ABCC5: variants seen among roughly 807,000 people sequenced by gnomAD.
ABCC5 encodes the protein ATP-binding cassette sub-family C member 5.
A neutral mutation model predicts 160.9 loss-of-function variants in ABCC5; 61 were observed. The observed-to-expected ratio is 0.38, with a 90% CI of 0.31 to 0.47. The LOEUF (loss-of-function observed/expected upper bound fraction) is 0.47. Ranked by LOEUF, ABCC5 falls within the 20% of genes least tolerant of loss-of-function variation. The pLI is 0.99. For synonymous variants in ABCC5, 666 were observed against 700.6 expected (o/e 0.95, Z 0.78); for missense variants, 1,308 against 1,813.3 (o/e 0.72, Z 5.06).
In ABCC5 at chr3:183,952,909, C is replaced by T. The variant is rs138879369; in HGVS notation, c.2667+177G>A. On this transcript the variant is annotated intron_variant, in intron 18 of 29. Coordinates refer to ENST00000334444, the MANE Select transcript of ABCC5 (RefSeq NM_005688.4). ...CCCTACTGCCCTGTGGGTTGGTCAGCGTTTTTTTCCTTCTGGTGAGGCTAC... is the reference window on the plus strand; with the variant it reads ...CCCTACTGCCCTGTGGGTTGGTCAGTGTTTTTTTCCTTCTGGTGAGGCTAC... 2.8e-3 allele frequency among the ~76,000 whole-genome samples: 423 copies of T among 152,276 alleles called. 2 individuals carry two copies. The highest frequency in any genetic ancestry group is 9.4e-3 in the African/African-American group (392 of 41,558).
chr3:183,993,896 CTAG>C (rs796327033), intron 2 of ABCC5, among the ~76,000 whole-genome samples: 6 of 151,766 alleles, frequency 4.0e-5, no homozygotes, highest in African/African-American at 1.5e-4. Context: ...AAAATCACTA[CTAG>C]AACTGTAATT....
rs1718877756 is a variant in ABCC5, at chr3:183,982,955, A to C, written c.644T>G (p.Leu215Arg). The C allele has an allele frequency of 6.2e-7, 1 of 1,614,128 alleles. No individual in the cohort carries two copies. The highest frequency in any genetic ancestry group is 1.3e-5 in the African/African-American group (1 of 74,940). ...LEYTQATESNLQYSLLLVLGL... is the reference protein window; with the variant it reads ...LEYTQATESNRQYSLLLVLGL... ...CAGCACTAACAACAAGCTGTACTGC[A>C]GGTTAGACTCTGTTGCCTGGGTATA... Residue 215 changes from leucine to arginine, a missense_variant, in exon 6 of 30, where the codon CTG (leucine) becomes CGG (arginine). By Grantham distance (102) the Leu-to-Arg change is moderately radical. Around this residue, in one of 3 missense-constraint regions of ABCC5, gnomAD observed 1,142 missense variants for 1,527.1 expected, o/e 0.75. Transcript: ENST00000334444. The surrounding 1 kb of genome is among the most constrained non-coding windows in gnomAD (Gnocchi z 5.2).
At chr3:184,006,039 T>TG (rs1467874772) in intron 2 of ABCC5, among the ~76,000 whole-genome samples, 1 of 152,072 alleles carries the variant, frequency 6.6e-6, no homozygotes, top group Non-Finnish European at 1.5e-5. Context: ...GCGGCAGTCT[T>TG]GCAGCAAACG....
intron 1 of ABCC5, among the ~76,000 whole-genome samples, chr3:184,016,227 T>TAG (rs1278923622): frequency 1.3e-5 from 2 of 152,188 alleles, no homozygotes; most frequent in Non-Finnish European, 2.9e-5. Context: ...ACTGCTGTGG[T>TAG]AGACACTGCT....
rs1362195579 is a variant in ABCC5, at chr3:183,949,096, T to C, written c.3227+657A>G. Among the ~76,000 whole-genome samples the C allele has an allele frequency of 1.3e-5, 2 of 152,232 alleles. No homozygotes were observed. Among genetic ancestry groups the C allele is most frequent in the African/African-American group, 2.4e-5 (1 of 41,464 alleles). On this transcript the variant is annotated intron_variant, in intron 22 of 29. Transcript: ENST00000334444. This position sits in a 1 kb window ranked among gnomAD's most constrained non-coding sequence, Gnocchi z 4.2. ...TCTGTACTCTGCTGTTTCACTAATA[T>C]ATGCTGGAGATCATTCCCTATCAGT...
intron 2 of ABCC5, among the ~76,000 whole-genome samples, chr3:184,014,061 C>T (rs1195306493): frequency 6.6e-6 from 1 of 152,074 alleles, no homozygotes; most frequent in African/African-American, 2.4e-5. Flanking sequence ...TTAGTAGAGA[C>T]AGGTTTTCAC....
Position 183,965,403 on chromosome 3 carries a change from C to CAACTCTG in ABCC5, c.1931_1932insCAGAGTT (p.Phe645ArgfsTer8). The CAACTCTG allele has an allele frequency of 6.2e-7, 1 of 1,614,058 alleles. No individual in the cohort carries two copies. The highest frequency in any genetic ancestry group is 8.5e-7 in the Non-Finnish European group (1 of 1,180,024). On this transcript the variant is annotated frameshift_variant, in exon 13 of 30. Coordinates refer to ENST00000334444, the MANE Select transcript of ABCC5 (RefSeq NM_005688.4). LOFTEE classifies it high-confidence loss of function. ...TTTCTTCATCATATTCCTTCCCAAA[C>CAACTCTG]AGGATGTTGTCTCTCAGAGTAGCAT... is the stretch of plus-strand genomic sequence containing the variant.
Position 183,966,885 on chromosome 3 carries a change from T to A in ABCC5, c.1833+810A>T, listed in dbSNP as rs1045067070. Among the ~76,000 whole-genome samples, 11 of 152,306 alleles carry A rather than the reference T, an allele frequency of 7.2e-5. No homozygotes were observed. The South Asian group carries it at 1.7e-3, about 23-fold the overall frequency. ...GCTACAAAAGCACCCCTGCTCCCCC[T>A]CTGTTTCATTTCAATTCAGTGGACC... On this transcript the variant is annotated intron_variant, in intron 12 of 29. Transcript: ENST00000334444.
chr3:184,008,109 T>C (rs926705671), intron 2 of ABCC5, among the ~76,000 whole-genome samples: 1 of 104,914 alleles, frequency 9.5e-6, no homozygotes, highest in African/African-American at 4.7e-5. Context: ...CAGTCATCTA[T>C]GTAGAGTACG....
chr3:183,944,918 G>A (rs978461133), intron 24 of ABCC5, among the ~76,000 whole-genome samples: 2 of 152,174 alleles, frequency 1.3e-5, no homozygotes, highest in Admixed American at 6.5e-5. Context: ...TGAGGGGAGA[G>A]GCCTGGTGGC....
At chr3:183,924,799 A>G (rs1041226989) in intron 29 of ABCC5, among the ~76,000 whole-genome samples, 3 of 152,206 alleles carry the variant, frequency 2.0e-5, no homozygotes, top group Middle Eastern at 3.2e-3. Context: ...AGGTACAGAT[A>G]CAGTCTAGGG....
Position 183,948,924 on chromosome 3 carries a change from G to C in ABCC5, c.3227+829C>G, listed in dbSNP as rs59182505. On this transcript the variant is annotated intron_variant, in intron 22 of 29. Coordinates refer to ENST00000334444, the MANE Select transcript of ABCC5 (RefSeq NM_005688.4). ...CCACCATGTTGGCCAGGCTGGTCTCGAACTCCTGACCTCAGGCGATCCGCC... is the reference window on the plus strand; with the variant it reads ...CCACCATGTTGGCCAGGCTGGTCTCCAACTCCTGACCTCAGGCGATCCGCC... Among the ~76,000 whole-genome samples the C allele has an allele frequency of 1.9e-3, 282 of 152,204 alleles. 5 individuals carry two copies. The East Asian group carries it at 0.042, about 23-fold the overall frequency.
At chr3:183,995,464 T>C (rs998039558) in intron 2 of ABCC5, among the ~76,000 whole-genome samples, 1 of 152,224 alleles carries the variant, frequency 6.6e-6, no homozygotes, top group Non-Finnish European at 1.5e-5. Flanking sequence ...AATTTTTGTA[T>C]AAAGTGTAAG....
At chr3:183,960,656 T>C (rs1716633232) in intron 16 of ABCC5, among the ~76,000 whole-genome samples, 1 of 152,190 alleles carries the variant, frequency 6.6e-6, no homozygotes, top group African/African-American at 2.4e-5. Context: ...TCTCACATGG[T>C]TACAACCTGC....
intron 2 of ABCC5, among the ~76,000 whole-genome samples, chr3:183,999,810 C>T (rs906147029): frequency 6.6e-6 from 1 of 151,700 alleles, no homozygotes; most frequent in African/African-American, 2.4e-5. Flanking sequence ...TACCAACTAA[C>T]CAGATTGGAG....
intron 25 of ABCC5, among the ~76,000 whole-genome samples, chr3:183,941,520 GTT>G (rs978651638): frequency 2.1e-5 from 3 of 143,518 alleles, no homozygotes; most frequent in Non-Finnish European, 1.5e-5. Flanking sequence ...AAGACAAAAG[GTT>G]TTTTTTTTTT....
Position 183,921,343 on chromosome 3 carries a change from G to A in ABCC5, c.4271C>T (p.Ala1424Val). The change falls in exon 30 of 30, where the codon GCC becomes GTC. Residue 1424 changes from alanine to valine, a missense_variant. Physicochemically the swap from Ala to Val is moderately conservative, Grantham distance 64. Transcript: ENST00000334444. The surrounding 1 kb of genome is among the most constrained non-coding windows in gnomAD (Gnocchi z 4.1). ...LLSNDSSRFY[A>V]MFAAAENKVA... ...CTTGTTCTCTGCAGCAGCAAACATGGCATAGAATCGGGAACTGTCGTTGGA... is the reference window on the plus strand; with the variant it reads ...CTTGTTCTCTGCAGCAGCAAACATGACATAGAATCGGGAACTGTCGTTGGA... 1 of 1,611,762 alleles carries A rather than the reference G, an allele frequency of 6.2e-7. No individual in the cohort carries two copies. Among genetic ancestry groups the A allele is most frequent in the Non-Finnish European group, 8.5e-7 (1 of 1,178,190 alleles).
intron 29 of ABCC5, among the ~76,000 whole-genome samples, chr3:183,923,102 T>A (rs1328689441): frequency 6.6e-6 from 1 of 152,038 alleles, no homozygotes; most frequent in Non-Finnish European, 1.5e-5. Flanking sequence ...ACAATGCTCG[T>A]CTCTGGGGGT....
chr3:183,951,450 T>G lies in ABCC5; in HGVS notation c.2935A>C (p.Met979Leu). The stretch of plus-strand genomic sequence containing the variant: ...GCTCAGTGAGAAATACCTTCATCCA[T>G]GTCTTTGGAAAACCTGTTGAGAATC... Reference protein sequence around the residue: ...GRILNRFSKDMDEVDVRLPFQ... With the variant: ...GRILNRFSKDLDEVDVRLPFQ... The change falls in exon 20 of 30, where the codon ATG becomes CTG. Residue 979 changes from methionine (M) to leucine (L), a missense_variant. Coordinates refer to ENST00000334444, the MANE Select transcript of ABCC5 (RefSeq NM_005688.4). This position sits in a 1 kb window ranked among gnomAD's most constrained non-coding sequence, Gnocchi z 4.7. The G allele has an allele frequency of 6.2e-7, 1 of 1,614,158 alleles. No homozygotes were observed. Among genetic ancestry groups the G allele is most frequent in the Admixed American group, 1.7e-5 (1 of 60,022 alleles).
Sources: gnomAD v4.1 joint callset for allele counts (sites outside exome capture counted in the v4.1 genomes callset) on GRCh38, gnomAD v4.1.1 for gene constraint, gnomAD v4.1.1 regional missense constraint, Gnocchi (gnomAD v3.1) non-coding constraint, MANE v1.5 for transcripts, NCBI Gene and HGNC (gene_info 2026-07-23, HGNC 2026-07-21) for gene names.